Variants in RBFOX1 observed in about 807,000 individuals in gnomAD.
RBFOX1 encodes the protein RNA binding protein fox-1 homolog 1.
A neutral mutation model predicts 57.7 loss-of-function variants in RBFOX1; 8 were observed. The ratio of observed to expected loss-of-function variants is 0.14; its 90% CI spans 0.08 to 0.25. The LOEUF is 0.25. Among genes scored for constraint, RBFOX1 ranks in the 10% least tolerant of loss-of-function variants. The pLI is 1.00. For missense variants in RBFOX1, 611 were observed against 548.5 expected, an observed-to-expected ratio of 1.11 and a Z score of -1.14; for synonymous variants, 326 against 222.4, an observed-to-expected ratio of 1.47 and a Z score of -4.15.
At chr16:7,127,710 G>C (rs946145212) in intron 4 of RBFOX1, among the ~76,000 whole-genome samples, 3 of 152,148 alleles carry the variant, frequency 2.0e-5, no homozygotes, top group African/African-American at 7.2e-5. Context: ...AGAGGACTTT[G>C]GGTTGTATAT....
intron 3 of RBFOX1, among the ~76,000 whole-genome samples, chr16:6,854,587 A>ATTTTTTTTTTTTTTTTTTTTTTTTTTTTT (rs71147611): frequency 2.8e-5 from 2 of 70,650 alleles, no homozygotes; most frequent in African/African-American, 1.1e-4. Context: ...GGAGAGGTGA[A>ATTTTTTTTTTTTTTTTTTTTTTTTTTTTT]TTTTTTTTTT....
chr16:6,045,352 C>T (rs1413334850), intron 1 of RBFOX1, among the ~76,000 whole-genome samples: 1 of 152,138 alleles, frequency 6.6e-6, no homozygotes, highest in African/African-American at 2.4e-5. Context: ...TGAATCATGA[C>T]TCCGAGAGTT....
intron 3 of RBFOX1, among the ~76,000 whole-genome samples, chr16:6,751,265 G>C (rs768435248): frequency 1.3e-5 from 2 of 152,178 alleles, no homozygotes; most frequent in South Asian, 4.1e-4. Context: ...CTCTAGAATG[G>C]ATGGGGAGTA....
At chr16:6,390,369 C>T (rs1407589911) in intron 2 of RBFOX1, among the ~76,000 whole-genome samples, 1 of 152,096 alleles carries the variant, frequency 6.6e-6, no homozygotes, top group East Asian at 1.9e-4. Context: ...AACTGAAGGG[C>T]TGTGCAGGTA....
chr16:6,345,388 T>C (rs2085221373), intron 2 of RBFOX1, among the ~76,000 whole-genome samples: 1 of 152,200 alleles, frequency 6.6e-6, no homozygotes, highest in Non-Finnish European at 1.5e-5. Context: ...AAGGGGCAGA[T>C]GATACAGACA....
At chr16:6,648,624 C>A (rs892872088) in intron 2 of RBFOX1, among the ~76,000 whole-genome samples, 1 of 152,136 alleles carries the variant, frequency 6.6e-6, no homozygotes, top group East Asian at 1.9e-4. Flanking sequence ...CATGCATCGA[C>A]GGGCCCTCAC....
At chr16:6,149,755 T>C (rs1305416184) in intron 1 of RBFOX1, among the ~76,000 whole-genome samples, 2 of 152,236 alleles carry the variant, frequency 1.3e-5, no homozygotes, top group East Asian at 1.9e-4. Context: ...TGGAGAAAGA[T>C]AGTCGATTCT....
intron 3 of RBFOX1, among the ~76,000 whole-genome samples, chr16:5,839,267 T>C (rs1201189877): frequency 1.3e-5 from 2 of 152,168 alleles, no homozygotes; most frequent in African/African-American, 2.4e-5. Context: ...GGGAAGAAAG[T>C]CTTACAAAAA....
intron 1 of RBFOX1, among the ~76,000 whole-genome samples, chr16:5,316,755 T>C (rs891408610): frequency 6.6e-6 from 1 of 152,186 alleles, no homozygotes; most frequent in East Asian, 1.9e-4. Flanking sequence ...TCTCTTCTGC[T>C]GAAAGGGAAA....
intron 3 of RBFOX1, among the ~76,000 whole-genome samples, chr16:6,832,327 T>C (rs1194027532): frequency 1.3e-5 from 2 of 152,176 alleles, no homozygotes; most frequent in African/African-American, 2.4e-5. Flanking sequence ...GTGTTACTCA[T>C]TATGTGGTTA....
At chr16:6,548,435 C>T (rs556760592) in intron 2 of RBFOX1, among the ~76,000 whole-genome samples, 1 of 152,154 alleles carries the variant, frequency 6.6e-6, no homozygotes, top group South Asian at 2.1e-4. Context: ...GAAGGGAAGG[C>T]ACAACCAGCA....
chr16:5,947,419 G>A lies in RBFOX1; in HGVS notation c.351+80084G>A, dbSNP rs769698125. Among the ~76,000 whole-genome samples, 1 of 152,180 alleles carries A rather than the reference G, an allele frequency of 6.6e-6. No individual in the cohort carries two copies. The highest frequency in any genetic ancestry group is 2.4e-5 in the African/African-American group (1 of 41,436). On this transcript the variant is annotated intron_variant, in intron 4 of 19. Transcript: ENST00000641259. The surrounding 1 kb of genome is among the most constrained non-coding windows in gnomAD (Gnocchi z 7.2). ...GGGTCTTGCTCTCGCTCAGACTGGA[G>A]TGCATTGGTATGATCATGGCTCACT...
At chr16:6,587,729 C>G (rs1158401995) in intron 2 of RBFOX1, among the ~76,000 whole-genome samples, 2 of 152,132 alleles carry the variant, frequency 1.3e-5, no homozygotes. Flanking sequence ...TCTCCTCAAC[C>G]CTCTTTTTAC....
At chr16:5,251,030 C>A (rs1221423122) in intron 1 of RBFOX1, among the ~76,000 whole-genome samples, 10 of 152,168 alleles carry the variant, frequency 6.6e-5, no homozygotes, top group Admixed American at 6.6e-4. Context: ...GGCACGACCG[C>A]CCCTCTTTCT....
chr16:6,997,042 T>G (rs988560036), intron 3 of RBFOX1, among the ~76,000 whole-genome samples: 44 of 152,184 alleles, frequency 2.9e-4, no homozygotes, highest in African/African-American at 1.0e-3. Flanking sequence ...ATGCACGTAT[T>G]TATAAGTACA....
At chr16:7,015,798 C>A (rs2093881969) in intron 3 of RBFOX1, among the ~76,000 whole-genome samples, 1 of 150,354 alleles carries the variant, frequency 6.7e-6, no homozygotes, top group African/African-American at 2.5e-5. Context: ...TGACTAATAA[C>A]ATTTTCTGAT....
At chr16:7,220,677 G>A (rs1283447648) in intron 4 of RBFOX1, among the ~76,000 whole-genome samples, 1 of 152,160 alleles carries the variant, frequency 6.6e-6, no homozygotes, top group East Asian at 1.9e-4. Context: ...TGGGGGGATG[G>A]CAGTATTTCT....
chr16:6,364,320 A>G (rs1265424208), intron 2 of RBFOX1, among the ~76,000 whole-genome samples: 1 of 152,006 alleles, frequency 6.6e-6, no homozygotes, highest in African/African-American at 2.4e-5. Flanking sequence ...TTTATCTTGC[A>G]TTTTCCCTCT....
intron 1 of RBFOX1, among the ~76,000 whole-genome samples, chr16:5,447,204 C>A (rs2068269459): frequency 6.6e-6 from 1 of 152,140 alleles, no homozygotes; most frequent in Non-Finnish European, 1.5e-5. Flanking sequence ...GAGTATTGTC[C>A]TGCCACCTTC....
Sources: gnomAD v4.1 joint callset for allele counts (sites outside exome capture counted in the v4.1 genomes callset) on GRCh38, gnomAD v4.1.1 for gene constraint, Gnocchi (gnomAD v3.1) non-coding constraint, MANE v1.5 for transcripts, NCBI Gene and HGNC (gene_info 2026-07-23, HGNC 2026-07-21) for gene names.